COA1: variants seen among roughly 807,000 people sequenced by gnomAD.
The protein encoded by COA1 is cytochrome c oxidase assembly factor 1 homolog.
In COA1, 13 loss-of-function variants were observed where a neutral mutation model predicts 16.0. That is an observed-to-expected ratio of 0.81 (90% confidence interval 0.53 to 1.29). COA1 has a LOEUF of 1.29. Among genes scored for constraint, COA1 ranks in the 50% most tolerant of loss-of-function variants. The pLI, the probability that COA1 is intolerant of heterozygous loss-of-function variation, is 0.00. For missense variants in COA1, 179 were observed against 177.0 expected (o/e 1.01, Z -0.06); for synonymous variants, 65 against 65.7 (o/e 0.99, Z 0.05).
chr7:43,692,995 G>A (rs1384993730), intron 1 of COA1, among the ~76,000 whole-genome samples: 3 of 152,144 alleles, frequency 2.0e-5, no homozygotes, highest in Non-Finnish European at 4.4e-5. Flanking sequence ...CTCAGACTGA[G>A]TCAGAATGTC....
chr7:43,616,591 C>T (rs1364655964), intron 6 of COA1, among the ~76,000 whole-genome samples: 2 of 152,098 alleles, frequency 1.3e-5, no homozygotes, highest in African/African-American at 2.4e-5. Context: ...GAAGGTAAGA[C>T]CCTTTTTAAA....
intron 1 of COA1, among the ~76,000 whole-genome samples, chr7:43,666,623 C>T (rs925567048): frequency 8.5e-5 from 13 of 152,256 alleles, no homozygotes; most frequent in African/African-American, 2.2e-4. Context: ...ATGCAAGTGT[C>T]GTCAAAATGC....
chr7:43,722,076 C>T (rs1486463432), intron 1 of COA1, among the ~76,000 whole-genome samples: 1 of 146,890 alleles, frequency 6.8e-6, no homozygotes, highest in South Asian at 2.2e-4. Context: ...GGACATTCAC[C>T]GTTGATTCTG....
rs2095446433 is a variant in COA1 at position 43,718,840 on chromosome 7, T to C, written c.-39+10589A>G. Among the ~76,000 whole-genome samples the C allele has an allele frequency of 2.0e-5, 3 of 152,176 alleles. No individual in the cohort carries two copies. In the South Asian group the frequency reaches 6.2e-4, roughly 32 times the overall value. On this transcript the variant is annotated intron_variant, in intron 1 of 5. Transcript: ENST00000223336. The stretch of plus-strand genomic sequence containing the variant: ...TGGGTGTCAGTTAATTTCGACTCAT[T>C]CTTAGGCTTTTCAGTACTCTACACT...
intron 1 of COA1, among the ~76,000 whole-genome samples, chr7:43,726,490 G>A (rs190148071): frequency 1.3e-5 from 2 of 152,160 alleles, no homozygotes; most frequent in Non-Finnish European, 1.5e-5. Flanking sequence ...ATATCTAACA[G>A]TCAATGGCTT....
At chr7:43,687,201 T>C (rs2094076594) in intron 1 of COA1, among the ~76,000 whole-genome samples, 1 of 152,228 alleles carries the variant, frequency 6.6e-6, no homozygotes, top group Non-Finnish European at 1.5e-5. Flanking sequence ...CCTCCCACAG[T>C]AATTGCCATG....
At chr7:43,709,809 C>T (rs1047534564) in intron 1 of COA1, among the ~76,000 whole-genome samples, 3 of 151,900 alleles carry the variant, frequency 2.0e-5, no homozygotes, top group African/African-American at 7.3e-5. Flanking sequence ...TGTGATAGCC[C>T]GTAACTAAAT....
Position 43,624,763 on chromosome 7 carries a change from T to C in COA1, c.*133+14686A>G, listed in dbSNP as rs201305620. 340 of 1,613,596 alleles carry C rather than the reference T, an allele frequency of 2.1e-4. 1 individual carries two copies. Among genetic ancestry groups the C allele is most frequent in the Non-Finnish European group, 5.4e-5 (64 of 1,179,718 alleles). ...TGCAGACAGTCTGAAAAAGAGAAAA[T>C]GGAGCAAAAGGCCATTTCCAAACGA... On this transcript the variant is annotated intron_variant and NMD_transcript_variant, in intron 6 of 6. Transcript: ENST00000415076.
At chr7:43,710,166 A>G (rs1319150184) in intron 1 of COA1, among the ~76,000 whole-genome samples, 1 of 150,176 alleles carries the variant, frequency 6.7e-6, no homozygotes, top group Non-Finnish European at 1.5e-5. Context: ...CCTGGCCAAC[A>G]TGGTGAAACC....
Position 43,640,589 on chromosome 7 carries a change from C to T in COA1, c.325G>A (p.Gly109Ser), listed in dbSNP as rs2086797738. ...EGLLYVHSSR[G>S]GPFQRWHLDE... ...CCAGGATACCTCTGAAAGGGGCCAC[C>T]TCTGGATGAGTGGACGTAGAGAAGG... Residue 109 changes from glycine to serine, a missense_variant, in exon 5 of 6, where the codon GGT becomes AGT. Gly to Ser is a moderately conservative substitution (Grantham distance 56). Coordinates refer to ENST00000223336, the MANE Select transcript of COA1 (RefSeq NM_018224.4). The T allele has an allele frequency of 6.2e-7, 1 of 1,607,872 alleles. No homozygotes were observed. Among genetic ancestry groups the T allele is most frequent in the Non-Finnish European group, 8.5e-7 (1 of 1,177,316 alleles).
At chr7:43,658,238 T>C (rs2092014479) in intron 1 of COA1, among the ~76,000 whole-genome samples, 1 of 151,540 alleles carries the variant, frequency 6.6e-6, no homozygotes, top group Non-Finnish European at 1.5e-5. Flanking sequence ...TAGCCCAGCA[T>C]GGTGGCGGGC....
chr7:43,625,012 G>T, intron 6 of COA1: 1 of 571,948 alleles, frequency 1.7e-6, no homozygotes, highest in African/African-American at 1.9e-5. Flanking sequence ...GATTTTAAAA[G>T]TTGCCAACCA....
At chr7:43,666,632 G>A (rs1403303067) in intron 1 of COA1, among the ~76,000 whole-genome samples, 1 of 152,176 alleles carries the variant, frequency 6.6e-6, no homozygotes, top group Non-Finnish European at 1.5e-5. Context: ...TCGTCAAAAT[G>A]CAAATAGGTG....
At chr7:43,636,677 C>T (rs1206306039), downstream of COA1, among the ~76,000 whole-genome samples, 4 of 152,094 alleles carry the variant, frequency 2.6e-5, no homozygotes, top group Non-Finnish European at 4.4e-5. Flanking sequence ...TACCAAAACT[C>T]AGCAATAAAA....
At position 43,616,075 on chromosome 7, in the gene COA1, T is replaced by TC. The variant is rs1322703600; in HGVS notation, c.*134-6581dup. ...GACTGGTGTCTTGTTTTCTGTTATT[T>TC]CCCCAGGGCCTAGCTCATTAGGCAA... On this transcript the variant is annotated intron_variant and NMD_transcript_variant, in intron 6 of 6. Coordinates refer to the COA1 transcript ENST00000415076. 2.6e-5 allele frequency among the ~76,000 whole-genome samples: 4 copies of TC among 152,274 alleles called. No individual in the cohort carries two copies. In the East Asian group the frequency reaches 7.7e-4, roughly 29 times the overall value.
rs780227085 is a variant in COA1, at chr7:43,645,340, C to T, written c.175G>A (p.Glu59Lys). The T allele has an allele frequency of 1.3e-5, 21 of 1,613,830 alleles. No individual in the cohort carries two copies. The highest frequency in any genetic ancestry group is 3.3e-5 in the Admixed American group (2 of 59,994). ...GGAGGGCCCAGAGCTTCCTGTGCCT[C>T]GGGATGGCTCTGCAGCTGCTCCACT... ...LAVEQLQSHP[E>K]AQEALGPPLN... The change falls in exon 4 of 6, where the codon GAG becomes AAG. Residue 59 changes from glutamate (E) to lysine (K), a missense_variant. Glu to Lys is a moderately conservative substitution (Grantham distance 56). Transcript: ENST00000223336.
At chr7:43,715,006 T>TAAAA (rs755827781) in intron 1 of COA1, among the ~76,000 whole-genome samples, 2 of 95,776 alleles carry the variant, frequency 2.1e-5, no homozygotes, top group African/African-American at 4.2e-5. Context: ...GCCTCTTGTC[T>TAAAA]AAAAAAAAAA....
At chr7:43,633,755 C>T (rs551428031) in intron 6 of COA1, among the ~76,000 whole-genome samples, 5 of 152,194 alleles carry the variant, frequency 3.3e-5, no homozygotes, top group African/African-American at 7.2e-5. Flanking sequence ...TAGGTATATA[C>T]GCCTATAAAA....
chr7:43,687,459 A>G (rs879602859), intron 1 of COA1, among the ~76,000 whole-genome samples: 3 of 152,204 alleles, frequency 2.0e-5, no homozygotes, highest in Admixed American at 6.5e-5. Flanking sequence ...ATATAAACAT[A>G]TACCTGCATC....
Sources: gnomAD v4.1 joint callset for allele counts (sites outside exome capture counted in the v4.1 genomes callset) on GRCh38, gnomAD v4.1.1 for gene constraint, MANE v1.5 for transcripts, NCBI Gene and HGNC (gene_info 2026-07-23, HGNC 2026-07-21) for gene names.